ZCCHC7: variants seen among roughly 807,000 people sequenced by gnomAD.
ZCCHC7 encodes the protein zinc finger CCHC domain-containing protein 7.
In ZCCHC7, 35 loss-of-function variants were observed where a neutral mutation model predicts 52.0. The observed-to-expected ratio is 0.67, with a 90% CI of 0.51 to 0.89. The LOEUF is 0.89. Among genes scored for constraint, ZCCHC7 ranks in the 40% least tolerant of loss-of-function variants. The pLI is 0.00. For synonymous variants in ZCCHC7, 217 were observed against 221.5 expected (o/e 0.98, Z 0.18); for missense variants, 574 against 649.1 (o/e 0.88, Z 1.26).
chr9:37,223,108 G>A (rs1426310936), intron 2 of ZCCHC7, among the ~76,000 whole-genome samples: 1 of 152,090 alleles, frequency 6.6e-6, no homozygotes, highest in East Asian at 1.9e-4. Context: ...TGTGGCTACT[G>A]TGGGCACACT....
chr9:37,132,073 G>T (rs1051736353), intron 2 of ZCCHC7, among the ~76,000 whole-genome samples: 1 of 151,732 alleles, frequency 6.6e-6, no homozygotes, highest in African/African-American at 2.4e-5. Context: ...TTTCCTTCTT[G>T]ATTCCCGCCC....
intron 5 of ZCCHC7, among the ~76,000 whole-genome samples, chr9:37,310,521 G>T (rs947727490): frequency 6.6e-6 from 1 of 152,068 alleles, no homozygotes; most frequent in Non-Finnish European, 1.5e-5. Flanking sequence ...TGAAGTGTAG[G>T]TACTATTTAT....
intron 2 of ZCCHC7, among the ~76,000 whole-genome samples, chr9:37,178,993 ACTGT>A (rs1473285463): frequency 1.3e-5 from 2 of 151,922 alleles, no homozygotes; most frequent in South Asian, 2.1e-4. Context: ...CCTGTGTTTG[ACTGT>A]CTATTCTTGA....
rs1821608354 is a variant in ZCCHC7, at chr9:37,169,425, T to A, written c.610+42483T>A. Among the ~76,000 whole-genome samples the A allele has an allele frequency of 4.6e-5, 7 of 152,192 alleles. No individual in the cohort carries two copies. The South Asian group carries it at 1.2e-3, about 27-fold the overall frequency. On this transcript the variant is annotated intron_variant, in intron 2 of 8. Coordinates refer to ENST00000336755, the MANE Select transcript of ZCCHC7 (RefSeq NM_032226.3). ...TAGAGGTGAGATGTCATCCTTGAGA[T>A]GTTTGGAAGACTTTGTGAGATTTTT...
At chr9:37,173,805 C>A (rs1821870262) in intron 2 of ZCCHC7, among the ~76,000 whole-genome samples, 2 of 151,742 alleles carry the variant, frequency 1.3e-5, no homozygotes, top group South Asian at 4.2e-4. Flanking sequence ...CTTAATAAAC[C>A]TATTATTTTT....
In ZCCHC7 at chr9:37,186,439, G is replaced by A. The variant is rs1822659977; in HGVS notation, c.610+59497G>A. On this transcript the variant is annotated intron_variant, in intron 2 of 8. Coordinates refer to ENST00000336755, the MANE Select transcript of ZCCHC7 (RefSeq NM_032226.3). ...ACAAGATTCTCACATTCAGTGTAAA[G>A]GGTGTTATGAAAATGTAAAGTTCAT... Among the ~76,000 whole-genome samples the A allele has an allele frequency of 2.0e-5, 3 of 152,112 alleles. No individual in the cohort carries two copies. The South Asian group carries it at 6.2e-4, about 32-fold the overall frequency.
intron 2 of ZCCHC7, among the ~76,000 whole-genome samples, chr9:37,194,529 C>G (rs760311751): frequency 1.3e-5 from 2 of 152,270 alleles, no homozygotes; most frequent in East Asian, 1.9e-4. Context: ...AAGACAGACT[C>G]TAGTGGCACT....
chr9:37,195,040 G>A (rs1272111023), intron 2 of ZCCHC7, among the ~76,000 whole-genome samples: 1 of 147,602 alleles, frequency 6.8e-6, no homozygotes, highest in Admixed American at 6.8e-5. Context: ...TCCACCACCC[G>A]GGTTCAAGCT....
chr9:37,251,873 G>C (rs1210604718), intron 2 of ZCCHC7, among the ~76,000 whole-genome samples: 1 of 152,162 alleles, frequency 6.6e-6, no homozygotes, highest in Non-Finnish European at 1.5e-5. Context: ...ACTGAGGATT[G>C]TATTGGGTCC....
chr9:37,145,008 C>A (rs75107903), intron 2 of ZCCHC7: 2 of 152,012 alleles, frequency 1.3e-5, no homozygotes, highest in East Asian at 3.9e-4. Context: ...GTGAGTCTTT[C>A]ATTTCTTTTT....
intron 2 of ZCCHC7, among the ~76,000 whole-genome samples, chr9:37,246,148 G>A (rs560634900): frequency 6.6e-6 from 1 of 152,224 alleles, no homozygotes; most frequent in African/African-American, 2.4e-5. Context: ...TAGATGAGAG[G>A]TCATGGTACT....
intron 2 of ZCCHC7, among the ~76,000 whole-genome samples, chr9:37,131,941 T>C (rs933025204): frequency 1.3e-5 from 2 of 152,232 alleles, no homozygotes; most frequent in East Asian, 3.8e-4. Context: ...TACATATGAC[T>C]TTCAGCTCTC....
At chr9:37,318,898 G>A (rs866638020) in intron 5 of ZCCHC7, among the ~76,000 whole-genome samples, 45 of 145,656 alleles carry the variant, frequency 3.1e-4, no homozygotes, top group African/African-American at 3.9e-4. Flanking sequence ...AGCCAAGATC[G>A]CATCACTGCA....
At chr9:37,228,676 T>C (rs1825240973) in intron 2 of ZCCHC7, among the ~76,000 whole-genome samples, 1 of 152,042 alleles carries the variant, frequency 6.6e-6, no homozygotes, top group African/African-American at 2.4e-5. Flanking sequence ...GCCTGATTTT[T>C]AAAATCTGAT....
intron 2 of ZCCHC7, among the ~76,000 whole-genome samples, chr9:37,231,113 T>C (rs555345820): frequency 6.6e-6 from 1 of 152,216 alleles, no homozygotes; most frequent in African/African-American, 2.4e-5. Context: ...CCCCACTAAT[T>C]TTTTCTATTT....
intron 5 of ZCCHC7, among the ~76,000 whole-genome samples, chr9:37,326,684 C>T (rs1830256538): frequency 6.6e-6 from 1 of 151,686 alleles, no homozygotes; most frequent in South Asian, 2.1e-4. Context: ...TTATCATAGC[C>T]ATGATATTTT....
chr9:37,350,379 G>A (rs1051884688), intron 7 of ZCCHC7, among the ~76,000 whole-genome samples: 21 of 152,074 alleles, frequency 1.4e-4, no homozygotes, highest in South Asian at 2.1e-4. Context: ...TGATCCACCC[G>A]CCTCGGCCTC....
intron 2 of ZCCHC7, among the ~76,000 whole-genome samples, chr9:37,188,197 G>A (rs1056752819): frequency 6.6e-6 from 1 of 151,860 alleles, no homozygotes; most frequent in African/African-American, 2.4e-5. Flanking sequence ...GTCTCCCAGC[G>A]TGAAGTGCAG....
intron 7 of ZCCHC7, among the ~76,000 whole-genome samples, chr9:37,353,563 A>G (rs1374592069): frequency 6.6e-6 from 1 of 152,222 alleles, no homozygotes; most frequent in African/African-American, 2.4e-5. Context: ...AAGGACTTAC[A>G]TGGAGGATTT....
Sources: gnomAD v4.1 joint callset for allele counts (sites outside exome capture counted in the v4.1 genomes callset) on GRCh38, gnomAD v4.1.1 for gene constraint, MANE v1.5 for transcripts, NCBI Gene and HGNC (gene_info 2026-07-23, HGNC 2026-07-21) for gene names.